Variants in PPP2R2B observed in about 807,000 individuals in gnomAD.
The protein encoded by PPP2R2B is serine/threonine-protein phosphatase 2A 55 kDa regulatory subunit B beta isoform.
In PPP2R2B, 5 loss-of-function variants were observed where a neutral mutation model predicts 46.0. The ratio of observed to expected loss-of-function variants is 0.11; its 90% CI spans 0.06 to 0.23. PPP2R2B has a LOEUF of 0.23. Ranked by LOEUF, PPP2R2B falls within the 10% of genes least tolerant of loss-of-function variation. PPP2R2B has a pLI of 1.00. For synonymous variants in PPP2R2B, 215 were observed against 206.7 expected (o/e 1.04, Z -0.34); for missense variants, 367 against 575.0 (o/e 0.64, Z 3.70).
chr5:147,078,807 C>CA (rs35601188), intron 2 of PPP2R2B, among the ~76,000 whole-genome samples: 2,740 of 106,116 alleles, frequency 0.026, 89 homozygotes, highest in African/African-American at 0.083. Context: ...GACTCCGTCT[C>CA]AAAAAAAAAA....
At chr5:147,069,785 G>GTATTTTTTTTT (rs1757522184) in intron 2 of PPP2R2B, among the ~76,000 whole-genome samples, 1 of 64,786 alleles carries the variant, frequency 1.5e-5, no homozygotes, top group African/African-American at 7.5e-5. Context: ...ATTTTATACT[G>GTATTTTTTTTT]TTTTTTTTTT....
rs564464409 is a variant in PPP2R2B, at chr5:147,017,393, C to T, written c.79+38272G>A. On this transcript the variant is annotated intron_variant, in intron 1 of 8. Transcript: ENST00000336640. ...GTCACACTGGAACGTCTGTGCTTAG[C>T]ATCTTAACCTTAGGGGAGGGAGAGA... is the stretch of plus-strand genomic sequence containing the variant. Among the ~76,000 whole-genome samples the T allele has an allele frequency of 4.0e-5, 6 of 151,650 alleles. No homozygotes were observed. The South Asian group carries it at 8.3e-4, about 21-fold the overall frequency.
intron 5 of PPP2R2B, among the ~76,000 whole-genome samples, chr5:146,685,716 A>G (rs1005878376): frequency 6.6e-6 from 1 of 152,184 alleles, no homozygotes; most frequent in African/African-American, 2.4e-5. Context: ...TTTTAAGTGG[A>G]AAAAGTTTAG....
At chr5:146,627,297 G>A (rs760676388) in intron 7 of PPP2R2B, among the ~76,000 whole-genome samples, 1 of 152,150 alleles carries the variant, frequency 6.6e-6, no homozygotes, top group Admixed American at 6.5e-5. Flanking sequence ...TGGAAGATAT[G>A]CCAAATCTCA....
rs1277892957 is a variant in PPP2R2B at position 146,585,404 on chromosome 5, T to A, written c.*4543A>T. The A allele has an allele frequency of 6.6e-6, 1 of 152,202 alleles. No individual in the cohort carries two copies. The highest frequency in any genetic ancestry group is 2.4e-5 in the African/African-American group (1 of 41,448). The allele number at this position is 152,202 out of a possible 1,614,324, so 9.4% of individuals were successfully genotyped here. ...TGGTTGTCATTCATCTGTTTCTGTA[T>A]CTATAAAATGAGAACAACAATAGTA... On this transcript the variant is annotated 3_prime_UTR_variant, in exon 10 of 10. Transcript: ENST00000394411.
Position 146,653,345 on chromosome 5 carries a change from C to T in PPP2R2B, c.448-2621G>A, listed in dbSNP as rs140894573. ...TGGTAGTTATAATGGTAGTGGTATT[C>T]ATAGTAGTGTGGTAGTTAAGAAACC... is the stretch of plus-strand genomic sequence containing the variant. On this transcript the variant is annotated intron_variant, in intron 5 of 9. Coordinates refer to ENST00000394411, the MANE Select transcript of PPP2R2B (RefSeq NM_181675.4). 6.3e-3 allele frequency among the ~76,000 whole-genome samples: 960 copies of T among 152,216 alleles called. 22 individuals are homozygous for T. Among genetic ancestry groups the T allele is most frequent in the Admixed American group, 0.041 (630 of 15,296 alleles).
chr5:146,728,380 A>G (rs1752013921), intron 2 of PPP2R2B, among the ~76,000 whole-genome samples: 1 of 152,184 alleles, frequency 6.6e-6, no homozygotes, highest in African/African-American at 2.4e-5. Context: ...CTTATTAAGC[A>G]GCAAAAACAT....
At chr5:146,780,990 CAA>C (rs1175316713) in intron 2 of PPP2R2B, among the ~76,000 whole-genome samples, 4 of 151,346 alleles carry the variant, frequency 2.6e-5, no homozygotes, top group Non-Finnish European at 4.4e-5. Flanking sequence ...CACTTTATTC[CAA>C]TTCTCATCCA....
chr5:146,590,850 A>C (rs1770571720), intron 9 of PPP2R2B, among the ~76,000 whole-genome samples: 1 of 152,192 alleles, frequency 6.6e-6, no homozygotes, highest in Admixed American at 6.5e-5. Flanking sequence ...CTTATCTAGG[A>C]AACAAGTAAG....
chr5:146,986,635 G>T (rs1175952910), intron 1 of PPP2R2B, among the ~76,000 whole-genome samples: 1 of 152,004 alleles, frequency 6.6e-6, no homozygotes, highest in Admixed American at 6.6e-5. Context: ...TACAGTAGAG[G>T]GTCTCAATAG....
chr5:146,686,953 G>C lies in PPP2R2B; in HGVS notation c.447+4175C>G, dbSNP rs190644252. ...GGGTCTTCTGAAGTAAAACTGCATAGGGACCTCAAGGCCTTTGTTTCTCCA... is the reference window on the plus strand; with the variant it reads ...GGGTCTTCTGAAGTAAAACTGCATACGGACCTCAAGGCCTTTGTTTCTCCA... On this transcript the variant is annotated intron_variant, in intron 5 of 9. Coordinates refer to ENST00000394411, the MANE Select transcript of PPP2R2B (RefSeq NM_181675.4). Among the ~76,000 whole-genome samples, 37 of 152,086 alleles carry C rather than the reference G, an allele frequency of 2.4e-4. No individual in the cohort carries two copies. The East Asian group carries it at 6.4e-3, about 26-fold the overall frequency.
chr5:146,992,585 C>G (rs1167638864), intron 1 of PPP2R2B, among the ~76,000 whole-genome samples: 1 of 152,152 alleles, frequency 6.6e-6, no homozygotes, highest in African/African-American at 2.4e-5. Flanking sequence ...ATAGGGAGGA[C>G]AAGGGGCACC....
At chr5:146,725,620 T>A (rs575790902) in intron 2 of PPP2R2B, among the ~76,000 whole-genome samples, 1 of 152,296 alleles carries the variant, frequency 6.6e-6, no homozygotes, top group African/African-American at 2.4e-5. Context: ...AAAATATATA[T>A]CATATAGAAC....
intron 8 of PPP2R2B, among the ~76,000 whole-genome samples, chr5:146,596,162 C>G (rs945011061): frequency 1.3e-5 from 2 of 152,140 alleles, no homozygotes; most frequent in Non-Finnish European, 1.5e-5. Flanking sequence ...TAAAATTTAC[C>G]TACAAAGACA....
chr5:147,015,407 C>T (rs967372482), intron 1 of PPP2R2B, among the ~76,000 whole-genome samples: 8 of 151,672 alleles, frequency 5.3e-5, no homozygotes, highest in African/African-American at 1.7e-4. Context: ...TCAAACTGAT[C>T]TCCCTTGCTT....
At position 146,983,401 on chromosome 5, in the gene PPP2R2B, T is replaced by C. The variant is rs376574662; in HGVS notation, c.79+72264A>G. On this transcript the variant is annotated intron_variant, in intron 1 of 8. Transcript: ENST00000336640. Reference sequence around the variant, plus strand: ...TTCACCATGTTAGCCAGGATGGTCTTGATCTCCTGACCTCGTGATCTGCCC... The same window carrying C: ...TTCACCATGTTAGCCAGGATGGTCTCGATCTCCTGACCTCGTGATCTGCCC... Among the ~76,000 whole-genome samples the C allele has an allele frequency of 5.1e-3, 773 of 152,146 alleles. 2 individuals are homozygous for C. The highest frequency in any genetic ancestry group is 0.021 in the South Asian group (100 of 4,830).
intron 2 of PPP2R2B, among the ~76,000 whole-genome samples, chr5:146,724,260 C>T (rs990065012): frequency 1.3e-5 from 2 of 151,566 alleles, no homozygotes. Context: ...CCAGTGTATT[C>T]GATGGCCATC....
chr5:147,046,474 T>A (rs1040934992), intron 1 of PPP2R2B, among the ~76,000 whole-genome samples: 2 of 152,320 alleles, frequency 1.3e-5, no homozygotes, highest in African/African-American at 4.8e-5. Flanking sequence ...AGAAAACTAA[T>A]GAGCCAGTCC....
At chr5:146,609,618 G>T (rs1772651643) in intron 7 of PPP2R2B, among the ~76,000 whole-genome samples, 1 of 149,624 alleles carries the variant, frequency 6.7e-6, no homozygotes, top group Non-Finnish European at 1.5e-5. Context: ...GACAGTGGGC[G>T]CAGGCCAGTG....
Sources: allele counts gnomAD v4.1 joint callset (sites outside exome capture counted in the v4.1 genomes callset), GRCh38; gene constraint gnomAD v4.1.1; transcripts MANE v1.5; gene names NCBI Gene and HGNC (gene_info 2026-07-23, HGNC 2026-07-21).